SEMA3A: variants seen among roughly 807,000 people sequenced by gnomAD.
SEMA3A encodes the protein semaphorin-3A.
SEMA3A carries 29 observed loss-of-function variants against 97.9 expected under a neutral mutation model. That is an observed-to-expected ratio of 0.30 (90% CI 0.22 to 0.40). The LOEUF is 0.40. Ranked by LOEUF, SEMA3A falls within the 10% of genes least tolerant of loss-of-function variation. The probability of loss-of-function intolerance (pLI) is 1.00; values close to 1 mark genes in which losing one functional copy is unlikely to be tolerated. For missense variants in SEMA3A, 763 were observed against 951.3 expected (o/e 0.80, Z 2.60); for synonymous variants, 321 against 323.7 (o/e 0.99, Z 0.09).
chr7:83,963,399 A>G (rs752618887), intron 15 of SEMA3A, 52 bp from the exon 16 acceptor site: 16 of 1,562,562 alleles, frequency 1.0e-5, no homozygotes, highest in East Asian at 4.5e-5. Flanking sequence ...AGTAATTTCA[A>G]CTTTCCAAAG....
chr7:84,292,295 G>T (rs140657401), intron 3 of SEMA3A, among the ~76,000 whole-genome samples: 1 of 152,018 alleles, frequency 6.6e-6, no homozygotes, highest in African/African-American at 2.4e-5. Context: ...TAAGGAAAAT[G>T]AGAAGGTAGA....
chr7:84,030,275 G>A (rs1460336755), intron 6 of SEMA3A, among the ~76,000 whole-genome samples: 5 of 151,938 alleles, frequency 3.3e-5, no homozygotes, highest in African/African-American at 1.2e-4. Context: ...CTCTTTAAAG[G>A]GAAAATTGGT....
At chr7:84,411,229 G>T (rs1242797332) in intron 1 of SEMA3A, among the ~76,000 whole-genome samples, 1 of 151,934 alleles carries the variant, frequency 6.6e-6, no homozygotes, top group Non-Finnish European at 1.5e-5. Context: ...CGGTCCACTT[G>T]GGATTTTTTA....
At chr7:84,231,018 ATAC>A (rs1389134540) in intron 3 of SEMA3A, among the ~76,000 whole-genome samples, 1 of 151,894 alleles carries the variant, frequency 6.6e-6, no homozygotes, top group African/African-American at 2.4e-5. Context: ...CTGTAACGCT[ATAC>A]TACTATGTTT....
At chr7:84,175,280 A>G (rs1159276629) in intron 1 of SEMA3A, among the ~76,000 whole-genome samples, 1 of 152,250 alleles carries the variant, frequency 6.6e-6, no homozygotes, top group East Asian at 1.9e-4. Flanking sequence ...ATTCTGGCCA[A>G]TAATGAATAT....
At chr7:84,313,561 G>A (rs1318650485) in intron 2 of SEMA3A, among the ~76,000 whole-genome samples, 1 of 150,570 alleles carries the variant, frequency 6.6e-6, no homozygotes, top group Non-Finnish European at 1.5e-5. Context: ...GAAATATTAT[G>A]TATGAAATAT....
chr7:84,277,697 A>AG (rs986101261), intron 3 of SEMA3A, among the ~76,000 whole-genome samples: 35 of 152,048 alleles, frequency 2.3e-4, no homozygotes, highest in Non-Finnish European at 4.4e-4. Flanking sequence ...CATCTGCTTC[A>AG]GGGGGGGCCT....
At chr7:83,988,269 G>A (rs561986618) in intron 12 of SEMA3A, among the ~76,000 whole-genome samples, 238 of 151,768 alleles carry the variant, frequency 1.6e-3, no homozygotes, top group Non-Finnish European at 3.0e-3. Context: ...CTCTGTCGCC[G>A]AGGCTGGAGT....
In SEMA3A at chr7:84,191,422, T is replaced by C. The variant is rs138473188; in HGVS notation, c.112+3053A>G. ...TGATTTCTACCAAAACTGAAGCACA[T>C]AGTGTCCTGGAATAGCCCCTTACAT... is the stretch of plus-strand genomic sequence containing the variant. On this transcript the variant is annotated intron_variant, in intron 1 of 16. Coordinates refer to ENST00000265362, the MANE Select transcript of SEMA3A (RefSeq NM_006080.3). Among the ~76,000 whole-genome samples the C allele has an allele frequency of 3.0e-4, 46 of 151,806 alleles. No individual in the cohort carries two copies. In the East Asian group the frequency reaches 7.3e-3, roughly 24 times the overall value.
rs1562945073 is a variant in SEMA3A, at chr7:84,429,519, TA to T, written c.-245-57620del. On this transcript the variant is annotated intron_variant, in intron 1 of 3. Transcript: ENST00000424555. ...CATTAGTAAAATATAGAGTTTGTTA[TA>T]TATATATATATATATATATATATAT... 3.5e-4 allele frequency among the ~76,000 whole-genome samples: 32 copies of T among 91,396 alleles called. 2 individuals carry two copies. Among genetic ancestry groups the T allele is most frequent in the African/African-American group, 7.6e-4 (19 of 24,982 alleles). 60.0% of individuals were successfully genotyped at this position (91,396 alleles called of 152,430 possible).
chr7:84,430,819 G>GTGTGTGTGTGTA lies in SEMA3A; in HGVS notation c.-245-58920_-245-58919insTACACACACACA, dbSNP rs149621698. 2.2e-3 allele frequency among the ~76,000 whole-genome samples: 321 copies of GTGTGTGTGTGTA among 148,464 alleles called. 2 individuals are homozygous for GTGTGTGTGTGTA. The highest frequency in any genetic ancestry group is 7.2e-3 in the African/African-American group (293 of 40,598). ...TGTGTGTGTGTGTGTGTGTGTGTGTGTGTATTTAGATTATATTGTGTATTT... is the reference window on the plus strand; with the variant it reads ...TGTGTGTGTGTGTGTGTGTGTGTGTGTGTGTGTGTGTATGTATTTAGATTATATTGTGTATTT... On this transcript the variant is annotated intron_variant, in intron 1 of 3. Transcript: ENST00000424555.
Position 84,257,266 on chromosome 7 carries a change from A to T in SEMA3A, c.-83+49941T>A, listed in dbSNP as rs1280438806. 2.7e-5 allele frequency among the ~76,000 whole-genome samples: 4 copies of T among 147,964 alleles called. No homozygotes were observed. In the South Asian group the frequency reaches 6.4e-4, roughly 24 times the overall value. ...CATCAAAAACAGGCTGGGCACTTTA[A>T]TTTTTTTTTTTTATTTTAGTCTTCA... On this transcript the variant is annotated intron_variant, in intron 3 of 3. Transcript: ENST00000424555.
chr7:84,014,949 G>A (rs1533998), intron 6 of SEMA3A, among the ~76,000 whole-genome samples: 1 of 151,798 alleles, frequency 6.6e-6, no homozygotes, highest in Non-Finnish European at 1.5e-5. Flanking sequence ...TATTTATCAT[G>A]ATTTCTTACC....
intron 3 of SEMA3A, among the ~76,000 whole-genome samples, chr7:84,253,199 C>CTTTCTACATGTAGAATCTACA (rs1337325597): frequency 6.6e-6 from 1 of 152,088 alleles, no homozygotes; most frequent in African/African-American, 2.4e-5. Context: ...TAGAATCATG[C>CTTTCTACATGTAGAATCTACA]TTTCTACAAA....
chr7:84,230,756 A>G lies in SEMA3A; in HGVS notation c.-82-36088T>C, dbSNP rs1799099002. 2.0e-5 allele frequency among the ~76,000 whole-genome samples: 3 copies of G among 152,092 alleles called. No homozygotes were observed. In the South Asian group the frequency reaches 6.2e-4, roughly 31 times the overall value. ...TCCTCAAGCTTGTAATCTTGATTAC[A>G]CAGTTATCTAATTTAAATGAAAATT... On this transcript the variant is annotated intron_variant, in intron 3 of 3. Coordinates refer to the SEMA3A transcript ENST00000424555.
At chr7:84,064,193 A>G (rs1266238102) in intron 4 of SEMA3A, among the ~76,000 whole-genome samples, 1 of 152,050 alleles carries the variant, frequency 6.6e-6, no homozygotes, top group Non-Finnish European at 1.5e-5. Flanking sequence ...AAGGAGAAAT[A>G]AAATACTTTA....
chr7:84,374,769 T>C (rs1375718190), intron 1 of SEMA3A, among the ~76,000 whole-genome samples: 2 of 152,086 alleles, frequency 1.3e-5, no homozygotes, highest in African/African-American at 4.8e-5. Flanking sequence ...CTTTGTAAGG[T>C]TGATGATAGG....
chr7:84,361,023 A>C (rs1802706019), intron 2 of SEMA3A, among the ~76,000 whole-genome samples: 1 of 152,150 alleles, frequency 6.6e-6, no homozygotes, highest in Admixed American at 6.6e-5. Context: ...ATTCAAAATT[A>C]GTTTAATATT....
At chr7:84,379,575 CTATT>C (rs752027838) in intron 1 of SEMA3A, among the ~76,000 whole-genome samples, 10 of 151,916 alleles carry the variant, frequency 6.6e-5, no homozygotes, top group Non-Finnish European at 1.3e-4. Context: ...ATAATTGTAT[CTATT>C]TATAAGAACA....
Sources: allele counts gnomAD v4.1 joint callset (sites outside exome capture counted in the v4.1 genomes callset), GRCh38; gene constraint gnomAD v4.1.1; transcripts MANE v1.5; gene names NCBI Gene and HGNC (gene_info 2026-07-23, HGNC 2026-07-21).